The following CIMIP2B variants were observed in gnomAD, a reference collection of about 807,000 sequenced individuals.
CIMIP2B encodes family with sequence similarity 166 member B.
At chr9:35,563,378 T>C in the CIMIP2B span, 5 of 1,611,124 alleles carry the variant, frequency 3.1e-6, no homozygotes, top group South Asian at 3.3e-5. Flanking sequence ...TAGTGGGCAG[T>C]GTCCAGTGTA....
At chr9:35,562,622 C>G in the CIMIP2B span, 1 of 1,612,460 alleles carries the variant, frequency 6.2e-7, no homozygotes, top group East Asian at 2.2e-5. Context: ...CTCCCCACGC[C>G]TCTGATCCTG....
chr9:35,562,810 C>G, the CIMIP2B span: 1 of 1,610,204 alleles, frequency 6.2e-7, no homozygotes, highest in Non-Finnish European at 8.5e-7. Context: ...GCCCCCACTG[C>G]CCGGACACAC....
the CIMIP2B span, chr9:35,562,481 T>G: frequency 1.4e-5 from 22 of 1,583,470 alleles, no homozygotes; most frequent in Non-Finnish European, 1.9e-5. Context: ...GCCTGGTGAG[T>G]GCTTCTGCCC....
At chr9:35,563,019 A>T in the CIMIP2B span, 2 of 1,613,946 alleles carry the variant, frequency 1.2e-6, no homozygotes, top group Non-Finnish European at 8.5e-7. Flanking sequence ...AGTCACTCAG[A>T]GCCTCGGCCC....
chr9:35,563,013 A>T, the CIMIP2B span: 2 of 1,613,862 alleles, frequency 1.2e-6, no homozygotes, highest in East Asian at 4.5e-5. Flanking sequence ...GAGTAAAGTC[A>T]CTCAGAGCCT....
At chr9:35,562,898 G>A in the CIMIP2B span, 2 of 1,613,922 alleles carry the variant, frequency 1.2e-6, no homozygotes, top group Admixed American at 3.3e-5. Flanking sequence ...TCCAGTGTCG[G>A]CTCCTCCAGC....
chr9:35,563,795 T>C, the CIMIP2B span: 4 of 1,613,862 alleles, frequency 2.5e-6, no homozygotes, highest in African/African-American at 1.3e-5. Context: ...TTCTGAGGGT[T>C]GAGCCCTGGT....
At chr9:35,563,368 T>C in the CIMIP2B span, 2 of 1,612,902 alleles carry the variant, frequency 1.2e-6, no homozygotes. Flanking sequence ...TGAACCGAAG[T>C]AGTGGGCAGT....
the CIMIP2B span, chr9:35,563,747 G>T: frequency 3.1e-6 from 5 of 1,609,530 alleles, no homozygotes; most frequent in South Asian, 4.4e-5. Context: ...CAAGCGGGGA[G>T]CGCTAAGTGG....
the CIMIP2B span, chr9:35,562,227 C>T: frequency 5.9e-6 from 6 of 1,012,630 alleles, no homozygotes; most frequent in South Asian, 3.5e-5. Flanking sequence ...GTAGCTACCT[C>T]GGTTTCCTTT....
chr9:35,563,673 T>C, the CIMIP2B span: 2 of 1,225,866 alleles, frequency 1.6e-6, no homozygotes, highest in South Asian at 2.6e-5. Context: ...CAAACCAACC[T>C]GTCCGCTTGG....
At chr9:35,563,868 G>A in the CIMIP2B span, 1 of 1,590,610 alleles carries the variant, frequency 6.3e-7, no homozygotes, top group Non-Finnish European at 8.6e-7. Flanking sequence ...TTTGAGCCAA[G>A]GCTCTGGTCT....
At chr9:35,562,985 C>T in the CIMIP2B span, 2 of 1,613,984 alleles carry the variant, frequency 1.2e-6, no homozygotes, top group Non-Finnish European at 1.7e-6. Context: ...TCTTCACTCC[C>T]TTGCTTTTCA....
chr9:35,561,894 A>G, the CIMIP2B span: 2 of 774,798 alleles, frequency 2.6e-6, no homozygotes, highest in African/African-American at 1.7e-5. Flanking sequence ...TCAGCCTCCA[A>G]ACCATTTTCT....
the CIMIP2B span, chr9:35,562,479 A>C: frequency 1.3e-6 from 2 of 1,584,048 alleles, no homozygotes; most frequent in Non-Finnish European, 1.7e-6. Context: ...CTGCCTGGTG[A>C]GTGCTTCTGC....
the CIMIP2B span, chr9:35,563,485 C>T: frequency 9.2e-6 from 9 of 977,430 alleles, no homozygotes; most frequent in Non-Finnish European, 1.2e-5. Flanking sequence ...TTTCTGGACT[C>T]AGCAGTGTAT....
chr9:35,561,919 A>ACCTTTCCCCCCCCCCCCCC, the CIMIP2B span: 1 of 109,266 alleles, frequency 9.2e-6, no homozygotes, highest in Non-Finnish European at 1.9e-5. Context: ...GTGTTCCCCC[A>ACCTTTCCCCCCCCCCCCCC]CCCTCCCACC....
chr9:35,563,107 CGTT>C, the CIMIP2B span: 3 of 1,613,456 alleles, frequency 1.9e-6, no homozygotes, highest in Non-Finnish European at 2.5e-6. Context: ...AAGGAAGACT[CGTT>C]AGTGTTTGGA....
the CIMIP2B span, chr9:35,562,583 G>A: frequency 6.2e-7 from 1 of 1,604,868 alleles, no homozygotes; most frequent in South Asian, 1.1e-5. Flanking sequence ...GCCTGAGGAT[G>A]GGGACACTGA....
Sources: gnomAD v4.1 joint callset for allele counts on GRCh38, gnomAD v4.1.1 for gene constraint, MANE v1.5 for transcripts, NCBI Gene and HGNC (gene_info 2026-07-23, HGNC 2026-07-21) for gene names.